Variants in KLF16 observed in about 807,000 individuals in gnomAD.
KLF16 encodes the protein KLF transcription factor 16.
In KLF16, 6 loss-of-function variants were observed where a neutral mutation model predicts 6.1. The ratio of observed to expected loss-of-function variants is 0.98; its 90% CI spans 0.54 to 1.93. KLF16 has a LOEUF of 1.93. Among genes scored for constraint, KLF16 ranks in the 30% most tolerant of loss-of-function variants. KLF16 has a pLI of 0.01. For synonymous variants in KLF16, 211 were observed against 176.5 expected (o/e 1.20, Z -1.55); for missense variants, 355 against 363.8 (o/e 0.98, Z 0.20).
At chr19:1,874,799 G>A in the KLF16 span, 1 of 123,358 alleles carries the variant, frequency 8.1e-6, no homozygotes, top group African/African-American at 3.0e-5. Context: ...GACAGAAAGC[G>A]AATTTTCTTA....
At chr19:1,858,199 G>A (rs963172072) in intron 1 of KLF16, among the ~76,000 whole-genome samples, 1 of 152,036 alleles carries the variant, frequency 6.6e-6, no homozygotes, top group African/African-American at 2.4e-5. Context: ...TTCGGGATCC[G>A]TCCAGGCCCC....
rs1434120445 is a variant in KLF16, at chr19:1,855,445, A to G, written c.458-685T>C. On this transcript the variant is annotated intron_variant, in intron 1 of 1. Coordinates refer to ENST00000250916, the MANE Select transcript of KLF16 (RefSeq NM_031918.4). The stretch of plus-strand genomic sequence containing the variant: ...GGGGAGGGGGCGGGGTCTCCCGGGA[A>G]GGGGCGGGGCCCGGCGGGCTGGACT... Among the ~76,000 whole-genome samples the G allele has an allele frequency of 1.1e-3, 154 of 138,454 alleles. 1 individual carries two copies. Among genetic ancestry groups the G allele is most frequent in the Non-Finnish European group, 2.1e-3 (130 of 63,252 alleles). 90.8% of individuals were successfully genotyped at this position (138,454 alleles called of 152,430 possible).
At chr19:1,874,014 G>C in the KLF16 span, among the ~76,000 whole-genome samples, 1 of 152,238 alleles carries the variant, frequency 6.6e-6, no homozygotes, top group Non-Finnish European at 1.5e-5. Flanking sequence ...CCCGCAGGGA[G>C]GGAGGGGCGG....
chr19:1,860,196 C>CCCCA (rs1173100162), intron 1 of KLF16: 1 of 152,056 alleles, frequency 6.6e-6, no homozygotes, highest in Admixed American at 6.5e-5. Context: ...CCCGCCCCCG[C>CCCCA]CCCAACTCGC....
chr19:1,865,202 A>G (rs2012167914), upstream of KLF16, among the ~76,000 whole-genome samples: 1 of 152,208 alleles, frequency 6.6e-6, no homozygotes, highest in Admixed American at 6.5e-5. Context: ...GGGAGGGTAC[A>G]GGGTGCCCTG....
chr19:1,874,736 G>A, the KLF16 span: 2 of 81,586 alleles, frequency 2.5e-5, no homozygotes, highest in African/African-American at 1.1e-4. Flanking sequence ...CAATAAATGT[G>A]TCAGAGTCCC....
rs941191370 is a variant in KLF16 at position 1,854,272 on chromosome 19, G to T, written c.*187C>A. The T allele has an allele frequency of 3.0e-5, 18 of 605,530 alleles. No homozygotes were observed. In the African/African-American group the frequency reaches 3.1e-4, roughly 11 times the overall value. 37.5% of individuals were successfully genotyped at this position (605,530 alleles called of 1,614,324 possible). On this transcript the variant is annotated 3_prime_UTR_variant, in exon 2 of 2. Coordinates refer to ENST00000250916, the MANE Select transcript of KLF16 (RefSeq NM_031918.4). ...GACACAAGCCCCCGTCACCCATCCT[G>T]AGAGCCACCTCTGAGGTCAGGCAGA...
upstream of KLF16, among the ~76,000 whole-genome samples, chr19:1,868,569 C>T (rs2012225366): frequency 6.7e-6 from 1 of 148,400 alleles, no homozygotes; most frequent in South Asian, 2.1e-4. Context: ...GCCTCTGCCT[C>T]CCAGGTTTCA....
At chr19:1,858,799 G>C (rs988521745) in intron 1 of KLF16, among the ~76,000 whole-genome samples, 2 of 152,128 alleles carry the variant, frequency 1.3e-5, no homozygotes, top group East Asian at 3.9e-4. Flanking sequence ...ACCCCCTCAA[G>C]GACCCTGGTG....
chr19:1,863,966 C>T (rs2012134778), upstream of KLF16, among the ~76,000 whole-genome samples: 1 of 145,542 alleles, frequency 6.9e-6, no homozygotes, highest in South Asian at 2.2e-4. Flanking sequence ...GTACCCTTTC[C>T]CGGAGCACCA....
At chr19:1,859,507 C>T (rs984071283) in intron 1 of KLF16, among the ~76,000 whole-genome samples, 9 of 152,130 alleles carry the variant, frequency 5.9e-5, no homozygotes, top group African/African-American at 1.7e-4. Flanking sequence ...CCAGCGTCCC[C>T]ACCCTCGGGA....
At chr19:1,854,845 C>T (rs142253150) in intron 1 of KLF16, 85 bp from the exon 2 acceptor site, 6 of 1,454,918 alleles carry the variant, frequency 4.1e-6, no homozygotes, top group Non-Finnish European at 4.7e-6. Context: ...CAAAGGGTGG[C>T]GGGCATTTGT....
chr19:1,855,959 A>G (rs2011940987), intron 1 of KLF16, among the ~76,000 whole-genome samples: 1 of 152,154 alleles, frequency 6.6e-6, no homozygotes, highest in Non-Finnish European at 1.5e-5. Context: ...TGAGTAGCAA[A>G]AGAGACGTCA....
At chr19:1,860,116 G>T in intron 1 of KLF16, 1 of 145,804 alleles carries the variant, frequency 6.9e-6, no homozygotes, top group East Asian at 2.0e-4. Context: ...TGGCATGCCG[G>T]GGGCGGGGGG....
chr19:1,855,720 C>G (rs931184712), intron 1 of KLF16, among the ~76,000 whole-genome samples: 7 of 152,354 alleles, frequency 4.6e-5, no homozygotes, highest in Non-Finnish European at 8.8e-5. Context: ...CAGCGTCTCC[C>G]CAGCAGATAG....
rs575614865 is a variant in KLF16, at chr19:1,862,281, A to G, written c.457+760T>C. ...CCCGGTTCCCCTCGCCGCCCCGGGG[A>G]CTGCGCTAGGAGGGGCGTTGGTGTA... On this transcript the variant is annotated intron_variant, in intron 1 of 1. Coordinates refer to ENST00000250916, the MANE Select transcript of KLF16 (RefSeq NM_031918.4). 3.2e-4 allele frequency among the ~76,000 whole-genome samples: 48 copies of G among 152,190 alleles called. 1 individual carries two copies. In the East Asian group the frequency reaches 7.9e-3, roughly 25 times the overall value.
At chr19:1,869,648 C>T in the KLF16 span, among the ~76,000 whole-genome samples, 1 of 152,116 alleles carries the variant, frequency 6.6e-6, no homozygotes, top group Admixed American at 6.5e-5. Flanking sequence ...TCACTGTTGC[C>T]CAGGCTGGAG....
chr19:1,865,473 T>C (rs1416439902), upstream of KLF16, among the ~76,000 whole-genome samples: 2 of 152,214 alleles, frequency 1.3e-5, no homozygotes, highest in Non-Finnish European at 2.9e-5. Flanking sequence ...CTTCCACTGA[T>C]GTTTCCTGGG....
chr19:1,855,771 CA>C (rs1334346288), intron 1 of KLF16, among the ~76,000 whole-genome samples: 1 of 152,226 alleles, frequency 6.6e-6, no homozygotes, highest in Non-Finnish European at 1.5e-5. Context: ...AGTCCACCTC[CA>C]CCCAGGGACC....
Sources: allele counts gnomAD v4.1 joint callset (sites outside exome capture counted in the v4.1 genomes callset), GRCh38; gene constraint gnomAD v4.1.1; transcripts MANE v1.5; gene names NCBI Gene and HGNC (gene_info 2026-07-23, HGNC 2026-07-21).